Variants in RAB38 observed in about 807,000 individuals in gnomAD.
The protein encoded by RAB38 is RAB38, member RAS oncogene family, also known as ras-related protein Rab-38.
RAB38 carries 15 observed loss-of-function variants against 18.4 expected under a neutral mutation model. That is an observed-to-expected ratio of 0.82 (90% CI 0.55 to 1.26). The LOEUF is 1.26. Among genes scored for constraint, RAB38 ranks in the 50% most tolerant of loss-of-function variants. The pLI, the probability that RAB38 is intolerant of heterozygous loss-of-function variation, is 0.00. For synonymous variants in RAB38, 101 were observed against 104.4 expected, an observed-to-expected ratio of 0.97 and a Z score of 0.20; for missense variants, 294 against 267.4, an observed-to-expected ratio of 1.10 and a Z score of -0.69.
chr11:87,842,512 C>T, the RAB38 span, among the ~76,000 whole-genome samples: 1 of 152,098 alleles, frequency 6.6e-6, no homozygotes, highest in Non-Finnish European at 1.5e-5. Context: ...AGCATCTCAA[C>T]AACTATTAAT....
the RAB38 span, among the ~76,000 whole-genome samples, chr11:87,956,621 G>C: frequency 6.6e-6 from 1 of 152,132 alleles, no homozygotes; most frequent in Non-Finnish European, 1.5e-5. Flanking sequence ...ATTTGTGGGA[G>C]CTCAGAACAT....
chr11:88,080,402 A>G, the RAB38 span, among the ~76,000 whole-genome samples: 1 of 151,920 alleles, frequency 6.6e-6, no homozygotes, highest in African/African-American at 2.4e-5. Context: ...AAAAGATCCA[A>G]ATAAAAGGTG....
chr11:88,016,111 A>G, the RAB38 span, among the ~76,000 whole-genome samples: 2 of 152,164 alleles, frequency 1.3e-5, no homozygotes, highest in Admixed American at 6.5e-5. Flanking sequence ...TCCTTTGCCT[A>G]CTTGGTAGCT....
At chr11:88,105,537 C>T in the RAB38 span, among the ~76,000 whole-genome samples, 1 of 152,154 alleles carries the variant, frequency 6.6e-6, no homozygotes, top group Non-Finnish European at 1.5e-5. Context: ...CACAGTTAAA[C>T]TAAGAGATTC....
chr11:88,082,175 T>C, the RAB38 span, among the ~76,000 whole-genome samples: 1 of 151,836 alleles, frequency 6.6e-6, no homozygotes, highest in Non-Finnish European at 1.5e-5. Flanking sequence ...ATTGTTTTGG[T>C]AGTTACATAT....
the RAB38 span, among the ~76,000 whole-genome samples, chr11:88,027,657 G>A: frequency 9.1e-5 from 12 of 131,622 alleles, no homozygotes; most frequent in African/African-American, 2.3e-4. Context: ...CAAGGCGGCA[G>A]CGAGGCTGGG....
the RAB38 span, among the ~76,000 whole-genome samples, chr11:87,870,033 T>C: frequency 1.4e-4 from 21 of 151,780 alleles, no homozygotes; most frequent in Non-Finnish European, 2.8e-4. Flanking sequence ...AATTATGTAA[T>C]ATTGTTCATC....
the RAB38 span, among the ~76,000 whole-genome samples, chr11:87,905,684 T>C: frequency 6.6e-6 from 1 of 151,912 alleles, no homozygotes; most frequent in East Asian, 1.9e-4. Flanking sequence ...ATACAAGCTT[T>C]GGAATCTTCA....
chr11:88,129,372 G>A (rs747495949), intron 2 of RAB38, among the ~76,000 whole-genome samples: 4 of 152,086 alleles, frequency 2.6e-5, no homozygotes, highest in Non-Finnish European at 4.4e-5. Flanking sequence ...TGGGCGTGGC[G>A]GCTCACACCT....
At chr11:88,174,192 C>A in intron 1 of RAB38, 1 of 699,238 alleles carries the variant, frequency 1.4e-6, no homozygotes, top group Non-Finnish European at 1.8e-6. Flanking sequence ...GAGACTTGTC[C>A]AAAGCCACTG....
intron 1 of RAB38, among the ~76,000 whole-genome samples, chr11:88,160,178 A>G (rs1377025653): frequency 1.3e-5 from 2 of 152,152 alleles, no homozygotes; most frequent in East Asian, 3.8e-4. Context: ...ATGAACAGAC[A>G]GTTCTCAAAA....
At chr11:88,146,801 G>A (rs780613291) in intron 2 of RAB38, among the ~76,000 whole-genome samples, 4 of 152,140 alleles carry the variant, frequency 2.6e-5, no homozygotes, top group South Asian at 2.1e-4. Flanking sequence ...GATGTTGAAC[G>A]TGCCTTCTGT....
chr11:87,934,799 A>G, the RAB38 span, among the ~76,000 whole-genome samples: 10 of 152,168 alleles, frequency 6.6e-5, no homozygotes, highest in Non-Finnish European at 1.5e-5. Flanking sequence ...TTGGTTTAAA[A>G]TACATTAGGG....
the RAB38 span, among the ~76,000 whole-genome samples, chr11:87,819,784 G>GTGTGTGTGTATATA: frequency 7.6e-5 from 9 of 118,190 alleles, no homozygotes; most frequent in African/African-American, 2.9e-4. Flanking sequence ...ATATATATAT[G>GTGTGTGTGTATATA]TATATATGTG....
At chr11:87,824,437 C>T in the RAB38 span, among the ~76,000 whole-genome samples, 1 of 151,892 alleles carries the variant, frequency 6.6e-6, no homozygotes, top group South Asian at 2.1e-4. Context: ...ATTACAGGTA[C>T]TAAAATAAAA....
At chr11:87,861,342 G>A in the RAB38 span, among the ~76,000 whole-genome samples, 4 of 151,912 alleles carry the variant, frequency 2.6e-5, no homozygotes, top group Non-Finnish European at 5.9e-5. Flanking sequence ...GCAGACAAAA[G>A]CAGAGCTTTC....
chr11:88,042,177 T>C, the RAB38 span, among the ~76,000 whole-genome samples: 11 of 152,154 alleles, frequency 7.2e-5, no homozygotes, highest in African/African-American at 1.4e-4. Flanking sequence ...TCATAGGTCA[T>C]AGACTTCCTA....
At chr11:87,805,162 G>C in the RAB38 span, among the ~76,000 whole-genome samples, 2 of 152,080 alleles carry the variant, frequency 1.3e-5, no homozygotes, top group African/African-American at 4.8e-5. Context: ...AAGAAGCATT[G>C]GTGTATCTGG....
chr11:87,855,487 G>A, the RAB38 span, among the ~76,000 whole-genome samples: 2 of 151,998 alleles, frequency 1.3e-5, no homozygotes, highest in African/African-American at 4.8e-5. Context: ...GACATTTTTT[G>A]GTCATTATAT....
Sources: gnomAD v4.1 joint callset for allele counts (sites outside exome capture counted in the v4.1 genomes callset) on GRCh38, gnomAD v4.1.1 for gene constraint, MANE v1.5 for transcripts, NCBI Gene and HGNC (gene_info 2026-07-23, HGNC 2026-07-21) for gene names.